SYT10: variants seen among roughly 807,000 people sequenced by gnomAD.
SYT10 encodes the protein synaptotagmin-10.
A neutral mutation model predicts 51.1 loss-of-function variants in SYT10; 31 were observed. That is an observed-to-expected ratio of 0.61 (90% confidence interval 0.46 to 0.82). The LOEUF is 0.82. Ranked by LOEUF, SYT10 falls within the 40% of genes least tolerant of loss-of-function variation. The probability of loss-of-function intolerance (pLI) is 0.00; values close to 1 mark genes in which losing one functional copy is unlikely to be tolerated. For synonymous variants in SYT10, 233 were observed against 225.9 expected, an observed-to-expected ratio of 1.03 and a Z score of -0.28; for missense variants, 603 against 634.0, an observed-to-expected ratio of 0.95 and a Z score of 0.53.
chr12:33,439,742 C>T lies in SYT10; in HGVS notation c.-220G>A, dbSNP rs918965574. 66 of 564,530 alleles carry T rather than the reference C, an allele frequency of 1.2e-4. No homozygotes were observed. Among genetic ancestry groups the T allele is most frequent in the Non-Finnish European group, 1.7e-4 (57 of 331,776 alleles). 35.0% of individuals were successfully genotyped at this position (564,530 alleles called of 1,614,324 possible). On this transcript the variant is annotated 5_prime_UTR_variant, in exon 1 of 7. Coordinates refer to ENST00000228567, the MANE Select transcript of SYT10 (RefSeq NM_198992.4). ...GGAGAGGCGCGCGAGGAGGCTGCGGCTGCCGCGAGGTTTGCGCCAACTCTC... is the reference window on the plus strand; with the variant it reads ...GGAGAGGCGCGCGAGGAGGCTGCGGTTGCCGCGAGGTTTGCGCCAACTCTC...
At chr12:33,411,775 C>T (rs1001931993) in intron 2 of SYT10, among the ~76,000 whole-genome samples, 1 of 152,026 alleles carries the variant, frequency 6.6e-6, no homozygotes, top group Non-Finnish European at 1.5e-5. Context: ...ATATGCCACT[C>T]TAATGCATTA....
At chr12:33,385,093 A>T in intron 4 of SYT10, 78 bp downstream of exon 4, 1 of 1,525,008 alleles carries the variant, frequency 6.6e-7, no homozygotes, top group Non-Finnish European at 8.9e-7. Context: ...ATAATTCAGT[A>T]GTCATGTATC....
intron 3 of SYT10, among the ~76,000 whole-genome samples, chr12:33,406,588 T>C (rs1866354431): frequency 6.6e-6 from 1 of 152,160 alleles, no homozygotes; most frequent in South Asian, 2.1e-4. Context: ...GTTTTTTTAT[T>C]CACACAATCA....
At chr12:33,383,950 T>C (rs1475056164) in intron 4 of SYT10, among the ~76,000 whole-genome samples, 1 of 152,166 alleles carries the variant, frequency 6.6e-6, no homozygotes, top group Non-Finnish European at 1.5e-5. Context: ...ATTTGCAGAG[T>C]ACACTGTTTA....
chr12:33,379,992 T>A, intron 5 of SYT10, 31 bp from the exon 6 acceptor site: 2 of 1,570,790 alleles, frequency 1.3e-6, no homozygotes, highest in Non-Finnish European at 1.7e-6. Context: ...TATTTTCATT[T>A]CCAACATTCA....
chr12:33,399,740 C>T (rs1267640308), intron 3 of SYT10, among the ~76,000 whole-genome samples: 2 of 152,088 alleles, frequency 1.3e-5, no homozygotes, highest in Admixed American at 6.5e-5. Context: ...ATATGAAGGA[C>T]TCTACTATTT....
intron 3 of SYT10, 52 bp from the exon 4 acceptor site, chr12:33,385,343 C>G: frequency 2.5e-6 from 4 of 1,592,750 alleles, no homozygotes; most frequent in Non-Finnish European, 3.4e-6. Context: ...GGGTGAAAAC[C>G]AAAAATAATC....
intron 5 of SYT10, among the ~76,000 whole-genome samples, 168 bp from the exon 6 acceptor site, chr12:33,380,129 TA>T (rs1192339774): frequency 2.6e-5 from 4 of 152,218 alleles, no homozygotes; most frequent in Non-Finnish European, 4.4e-5. Context: ...CAACATTTAC[TA>T]AACAGTATCA....
At chr12:33,437,545 C>A (rs1866647769) in intron 1 of SYT10, among the ~76,000 whole-genome samples, 3 of 152,150 alleles carry the variant, frequency 2.0e-5, no homozygotes, top group Admixed American at 2.0e-4. Flanking sequence ...TCATTACCAG[C>A]CAGTCTGAGA....
At chr12:33,389,428 G>C (rs1280159951) in intron 3 of SYT10, among the ~76,000 whole-genome samples, 1 of 152,060 alleles carries the variant, frequency 6.6e-6, no homozygotes, top group Non-Finnish European at 1.5e-5. Flanking sequence ...AACATGTAAA[G>C]TGCCTGGTGT....
At chr12:33,424,269 T>C (rs540866421) in intron 2 of SYT10, among the ~76,000 whole-genome samples, 2 of 152,272 alleles carry the variant, frequency 1.3e-5, no homozygotes, top group South Asian at 2.1e-4. Flanking sequence ...ATCAAATAAG[T>C]GGTCTCTATA....
chr12:33,403,327 G>A (rs1175532401), intron 3 of SYT10, among the ~76,000 whole-genome samples: 1 of 149,764 alleles, frequency 6.7e-6, no homozygotes. Context: ...CCACCTCCTA[G>A]TTCAAGTGAT....
At chr12:33,387,712 C>A (rs1866168586) in intron 3 of SYT10, among the ~76,000 whole-genome samples, 1 of 149,938 alleles carries the variant, frequency 6.7e-6, no homozygotes, top group Admixed American at 6.7e-5. Context: ...CAGCCTACTG[C>A]TGAAGAAGGA....
intron 3 of SYT10, among the ~76,000 whole-genome samples, chr12:33,395,194 G>C (rs1004052710): frequency 1.2e-4 from 18 of 152,218 alleles, no homozygotes; most frequent in African/African-American, 4.3e-4. Flanking sequence ...AAAGCCAGCA[G>C]ATAAGGTACT....
In SYT10 at chr12:33,379,923, C is replaced by A. The variant is rs750428498; in HGVS notation, c.1409G>T (p.Gly470Val). The change falls in exon 6 of 7, where the codon GGA (glycine) becomes GTA (valine). Residue 470 changes from glycine to valine, a missense_variant. Physicochemically the swap from Gly to Val is moderately radical, Grantham distance 109. Coordinates refer to ENST00000228567, the MANE Select transcript of SYT10 (RefSeq NM_198992.4). ...HNEVIGVCRT[G>V]LDAEGLGRDH... ...TCGCCCAAGACCCTCAGCATCCAGT[C>A]CTGTTCTGCACACTCCTATGACCTC... The A allele has an allele frequency of 1.9e-6, 3 of 1,613,776 alleles. No individual in the cohort carries two copies. Among genetic ancestry groups the A allele is most frequent in the African/African-American group, 2.7e-5 (2 of 74,862 alleles).
In SYT10 at chr12:33,382,607, C is replaced by T. The variant is rs551846027; in HGVS notation, c.1199-87G>A. The T allele has an allele frequency of 1.1e-4, 138 of 1,269,282 alleles. 2 individuals carry two copies. In the African/African-American group the frequency reaches 1.9e-3, roughly 18 times the overall value. 78.6% of individuals were successfully genotyped at this position (1,269,282 alleles called of 1,614,324 possible). ...GCAGTTTATTTTTACTAAATAAGAC[C>T]TATAGTACTAAGGCCTATATTAAGA... is the stretch of plus-strand genomic sequence containing the variant. On this transcript the variant is annotated intron_variant, in intron 4 of 6. Transcript: ENST00000228567.
In SYT10 at chr12:33,407,002, G is replaced by A; in HGVS notation, c.864C>T (p.His288=). ...DRKKKFQTRV[H]RKTLNPLFDE... ...CAAATAGAGGATTTAAAGTCTTTCT[G>A]TGCACGCGGGTCTGAAATTTCTTTT... is the stretch of plus-strand genomic sequence containing the variant. Residue 288 remains histidine, a synonymous_variant, in exon 3 of 7, where the codon CAC becomes CAT. Transcript: ENST00000228567. 5 of 1,614,118 alleles carry A rather than the reference G, an allele frequency of 3.1e-6. No homozygotes were observed. The highest frequency in any genetic ancestry group is 1.6e-4 in the Middle Eastern group (1 of 6,062).
intron 3 of SYT10, among the ~76,000 whole-genome samples, chr12:33,394,630 A>G (rs1270852492): frequency 3.3e-5 from 5 of 152,238 alleles, no homozygotes; most frequent in Non-Finnish European, 7.3e-5. Context: ...GGTTGATATT[A>G]TTACAAATCT....
In SYT10 at chr12:33,407,110, A is replaced by G; in HGVS notation, c.756T>C (p.Ile252=). The stretch of plus-strand genomic sequence containing the variant: ...TAGCAGGGAGATCTAAAGCTTTGAT[A>G]ATTTTAACAACTAGAAGTTCATTTT... The part of the protein sequence containing the change: ...DYENELLVVK[I]IKALDLPAKD... Residue 252 remains isoleucine, a synonymous_variant, in exon 3 of 7, where the codon ATT becomes ATC. Transcript: ENST00000228567. The G allele has an allele frequency of 6.2e-7, 1 of 1,613,646 alleles. No homozygotes were observed. The highest frequency in any genetic ancestry group is 8.5e-7 in the Non-Finnish European group (1 of 1,179,866).
Sources: gnomAD v4.1 joint callset for allele counts (sites outside exome capture counted in the v4.1 genomes callset) on GRCh38, gnomAD v4.1.1 for gene constraint, MANE v1.5 for transcripts, NCBI Gene and HGNC (gene_info 2026-07-23, HGNC 2026-07-21) for gene names.